Variants in TTN observed in about 807,000 individuals in gnomAD.
TTN encodes connectin.
Under a neutral mutation model 3,223.0 loss-of-function variants are expected in TTN, and 1,525 were observed. The observed-to-expected ratio is 0.47, with a 90% confidence interval of 0.45 to 0.49. The LOEUF is 0.49. Ranked by LOEUF, TTN falls within the 20% of genes least tolerant of loss-of-function variation. The pLI, the probability that TTN is intolerant of heterozygous loss-of-function variation, is 0.00. For missense variants in TTN, 40,786 were observed against 43,424.0 expected (o/e 0.94, Z 5.40); for synonymous variants, 14,094 against 15,161.0 (o/e 0.93, Z 5.17).
intron 209 of TTN, among the ~76,000 whole-genome samples, 184 bp from the exon 210 acceptor site, chr2:178,650,455 T>G (rs75279934): frequency 1.3e-3 from 205 of 152,288 alleles, no homozygotes; most frequent in African/African-American, 4.5e-3. Context: ...ATTCAAATGC[T>G]TGCAAAGCCC....
chr2:178,528,303 C>T lies in TTN; in HGVS notation c.107348G>A (p.Cys35783Tyr). The T allele has an allele frequency of 6.2e-7, 1 of 1,613,926 alleles. No individual in the cohort carries two copies. Among genetic ancestry groups the T allele is most frequent in the Non-Finnish European group, 8.5e-7 (1 of 1,179,842 alleles). ...TIKAKNFRGQ[C>Y]SATASLMVLP... Reference sequence around the variant, plus strand: ...GACCATTAAGGAAGCTGTAGCTGAACACTGGCCACGGAAATTTTTGGCCTT... The same window carrying T: ...GACCATTAAGGAAGCTGTAGCTGAATACTGGCCACGGAAATTTTTGGCCTT... The change falls in exon 361 of 363, where the codon TGT (cysteine) becomes TAT (tyrosine). Residue 35783 changes from cysteine to tyrosine, a missense_variant. Transcript: ENST00000589042.
chr2:178,675,858 T>C, intron 148 of TTN, 63 bp downstream of exon 148: 1 of 1,555,428 alleles, frequency 6.4e-7, no homozygotes, highest in Non-Finnish European at 8.7e-7. Flanking sequence ...AAACAGGACA[T>C]TTTGACTTTT....
chr2:178,767,161 A>G lies in TTN; in HGVS notation c.9472-549T>C, dbSNP rs77980299. On this transcript the variant is annotated intron_variant, in intron 40 of 362. Coordinates refer to ENST00000589042, the MANE Select transcript of TTN (RefSeq NM_001267550.2). ...AAGCCTGGTTTTCTTTGGATGAGCAATATGATAAAGCTGAACTCAACTGGT... is the reference window on the plus strand; with the variant it reads ...AAGCCTGGTTTTCTTTGGATGAGCAGTATGATAAAGCTGAACTCAACTGGT... Among the ~76,000 whole-genome samples, 29 of 152,328 alleles carry G rather than the reference A, an allele frequency of 1.9e-4. No individual in the cohort carries two copies. The East Asian group carries it at 5.4e-3, about 28-fold the overall frequency.
At chr2:178,649,153 C>A in intron 213 of TTN, 95 bp downstream of exon 213, 2 of 969,500 alleles carry the variant, frequency 2.1e-6, no homozygotes, top group South Asian at 1.9e-5. Flanking sequence ...ATGGTTTTAA[C>A]ATAAATTCAC....
At chr2:178,748,469 T>A (rs1489741484) in intron 47 of TTN, 1 of 1,613,068 alleles carries the variant, frequency 6.2e-7, no homozygotes, top group Admixed American at 1.7e-5. Context: ...TTCTTTATAA[T>A]GTATTTCCTG....
In TTN at chr2:178,531,527, C is replaced by G; in HGVS notation, c.105088G>C (p.Asp35030His). ...KGEASDYATL[D>H]VTGGDYTTYA... ...GTGGTATAATCCCCTCCTGTCACGT[C>G]CAACGTTGCATAGTCAGAAGCTTCG... The change falls in exon 358 of 363, where the codon GAC becomes CAC. Residue 35030 changes from aspartate (D) to histidine (H), a missense_variant. Asp to His is a moderately conservative substitution (Grantham distance 81, BLOSUM62 -1). Transcript: ENST00000589042. 6.2e-7 allele frequency: 1 copy of G among 1,613,938 alleles called. No individual in the cohort carries two copies. The highest frequency in any genetic ancestry group is 8.5e-7 in the Non-Finnish European group (1 of 1,179,868).
At position 178,610,215 on chromosome 2, in the gene TTN, A is replaced by G. The variant is rs1301202997; in HGVS notation, c.51311T>C (p.Leu17104Pro). 1 of 1,612,982 alleles carries G rather than the reference A, an allele frequency of 6.2e-7. No homozygotes were observed. The highest frequency in any genetic ancestry group is 1.1e-5 in the South Asian group (1 of 91,052). Residue 17104 changes from leucine to proline, a missense_variant, in exon 271 of 363, where the codon CTG (leucine) becomes CCG (proline). Physicochemically the swap from Leu to Pro is moderately conservative, Grantham distance 98. Transcript: ENST00000589042. ...YIPVMSGENK[L>P]SWTVKDLIPN... ...TATGAGATCCTTCACAGTCCATGAC[A>G]GTTTGTTCTCACCAGACATGACTGG...
Position 178,773,548 on chromosome 2 carries a change from A to T in TTN, c.7508T>A (p.Val2503Asp). Residue 2503 changes from valine to aspartate, a missense_variant, in exon 32 of 363, where the codon GTC becomes GAC. Val to Asp is a radical substitution (Grantham distance 152). Coordinates refer to ENST00000589042, the MANE Select transcript of TTN (RefSeq NM_001267550.2). ...AIVKGTKQRL[V>D]INRTHASDEG... ...GTCTGAAGCATGAGTTCGGTTAATG[A>T]CTAGTCGCTGTTTAGTACCTTTCAC... The T allele has an allele frequency of 6.2e-7, 1 of 1,614,024 alleles. No homozygotes were observed. Among genetic ancestry groups the T allele is most frequent in the Non-Finnish European group, 8.5e-7 (1 of 1,179,962 alleles).
chr2:178,686,410 G>A lies in TTN; in HGVS notation c.32312-812C>T, dbSNP rs886695587. 9.9e-5 allele frequency among the ~76,000 whole-genome samples: 11 copies of A among 111,168 alleles called. No individual in the cohort carries two copies. The South Asian group carries it at 2.8e-3, about 28-fold the overall frequency. The allele number at this position is 111,168 out of a possible 152,430, so 72.9% of individuals were successfully genotyped here. On this transcript the variant is annotated intron_variant, in intron 127 of 362. Transcript: ENST00000589042. The stretch of plus-strand genomic sequence containing the variant: ...GCTGGGATTACAGGCGTGAGCCACC[G>A]CGCCCGGCCAGTTTTAATTTTTTTT...
chr2:178,541,031 A>G, intron 350 of TTN: 1 of 331,726 alleles, frequency 3.0e-6, no homozygotes. Context: ...AGAAGTGGAA[A>G]TTGACTCCAG....
At chr2:178,783,117 C>T in intron 17 of TTN, 53 bp from the exon 18 acceptor site, 3 of 1,596,742 alleles carry the variant, frequency 1.9e-6, no homozygotes, top group Non-Finnish European at 2.6e-6. Flanking sequence ...TCATTAATCA[C>T]TTCTGTTTTG....
intron 213 of TTN, among the ~76,000 whole-genome samples, chr2:178,648,216 T>C (rs2062331493): frequency 6.6e-6 from 1 of 152,102 alleles, no homozygotes; most frequent in African/African-American, 2.4e-5. Context: ...TTTACTGGCA[T>C]TTGAAGTACT....
In TTN at chr2:178,790,897, T is replaced by C. The variant is rs72647857; in HGVS notation, c.1663-52A>G. 12,197 of 1,604,100 alleles carry C rather than the reference T, an allele frequency of 7.6e-3. 942 individuals are homozygous for C. In the Admixed American group the frequency reaches 0.16, roughly 20 times the overall value. ...TGAGTTTCAAAAGATACAAAAGCAA[T>C]GGGAAGACATCCTTGAAACACTCAG... On this transcript the variant is annotated intron_variant, in intron 10 of 362. Transcript: ENST00000589042.
intron 88 of TTN, among the ~76,000 whole-genome samples, chr2:178,716,733 C>T (rs2154298598): frequency 6.6e-6 from 1 of 152,160 alleles, no homozygotes; most frequent in African/African-American, 2.4e-5. Flanking sequence ...GGACAAAATC[C>T]ATTCATTTAC....
In TTN at chr2:178,649,598, T is replaced by C. The variant is rs991836870; in HGVS notation, c.39929A>G (p.Lys13310Arg). Residue 13310 changes from lysine (K) to arginine (R), a missense_variant, in exon 212 of 363, where the codon AAG becomes AGG. Lys to Arg is a conservative substitution (Grantham distance 26). Coordinates refer to ENST00000589042, the MANE Select transcript of TTN (RefSeq NM_001267550.2). ...PEMPKKVVPV[K>R]KVPTVKKPET... ...TGGCTTCTTAACAGTTGGGACCTTC[T>C]TCACTGGAACAACTTTCTTTGGCAT... The C allele has an allele frequency of 1.3e-5, 20 of 1,550,124 alleles. No individual in the cohort carries two copies. The highest frequency in any genetic ancestry group is 1.7e-5 in the Non-Finnish European group (19 of 1,146,648).
chr2:178,541,352 T>TG lies in TTN; in HGVS notation c.97724dup (p.Ala32576SerfsTer3). ...TCCCAGACCCTCTTGCATTAATGGC[T>TG]GTGACACGGTGTTCATATTCTAAGC... On this transcript the variant is annotated frameshift_variant, in exon 350 of 363. Coordinates refer to ENST00000589042, the MANE Select transcript of TTN (RefSeq NM_001267550.2). LOFTEE classifies it high-confidence loss of function. 1 of 1,591,804 alleles carries TG rather than the reference T, an allele frequency of 6.3e-7. No individual in the cohort carries two copies. Among genetic ancestry groups the TG allele is most frequent in the Non-Finnish European group, 8.6e-7 (1 of 1,167,414 alleles).
Position 178,548,459 on chromosome 2 carries a change from C to T in TTN, c.93167G>A (p.Arg31056Gln), listed in dbSNP as rs201377736. ...CTGCCAACTACGGCGACTTGCCTCT[C>T]GTTTCTCTACCACATAATGATGGAT... ...ARIHHYVVEK[R>Q]EASRRSWQVI... is the part of the protein sequence containing the mutation. The change falls in exon 339 of 363, where the codon CGA (arginine) becomes CAA (glutamine). Residue 31056 changes from arginine to glutamine, a missense_variant. By Grantham distance (43) the Arg-to-Gln change is conservative. Transcript: ENST00000589042. This position sits in a 1 kb window ranked among gnomAD's most constrained non-coding sequence, Gnocchi z 4.3. The T allele has an allele frequency of 8.7e-6, 14 of 1,613,886 alleles. No individual in the cohort carries two copies. Among genetic ancestry groups the T allele is most frequent in the Admixed American group, 5.0e-5 (3 of 60,022 alleles).
At position 178,582,277 on chromosome 2, in the gene TTN, C is replaced by T. The variant is rs761396048; in HGVS notation, c.66160+19G>A. The T allele has an allele frequency of 6.3e-7, 1 of 1,576,604 alleles. No individual in the cohort carries two copies. Among genetic ancestry groups the T allele is most frequent in the African/African-American group, 1.4e-5 (1 of 72,420 alleles). ...AATTTTAAAAAATAAAATGAAAAAC[C>T]ACCGGGAAATGTTCCTACCATATGG... On this transcript the variant is annotated intron_variant, in intron 314 of 362. Coordinates refer to ENST00000589042, the MANE Select transcript of TTN (RefSeq NM_001267550.2).
chr2:178,665,849 A>G, intron 163 of TTN, 58 bp from the exon 164 acceptor site: 2 of 852,698 alleles, frequency 2.3e-6, no homozygotes, highest in South Asian at 5.6e-5. Context: ...AAGAGTTCCC[A>G]TCTTAACTGC....
Sources: allele counts gnomAD v4.1 joint callset (sites outside exome capture counted in the v4.1 genomes callset), GRCh38; gene constraint gnomAD v4.1.1; non-coding constraint Gnocchi (gnomAD v3.1); transcripts MANE v1.5; gene names NCBI Gene and HGNC (gene_info 2026-07-23, HGNC 2026-07-21).